ERCC6: variants seen among roughly 807,000 people sequenced by gnomAD.
ERCC6 encodes the protein DNA excision repair protein ERCC-6.
ERCC6 carries 116 observed loss-of-function variants against 158.7 expected under a neutral mutation model. The ratio of observed to expected loss-of-function variants is 0.73; its 90% confidence interval spans 0.63 to 0.85. The LOEUF (loss-of-function observed/expected upper bound fraction) is 0.85, where lower values mean the gene tolerates loss of function less well. Among genes scored for constraint, ERCC6 ranks in the 40% least tolerant of loss-of-function variants. ERCC6 has a pLI of 0.00. For missense variants in ERCC6, 1,698 were observed against 1,799.4 expected (o/e 0.94, Z 1.02); for synonymous variants, 678 against 659.3 (o/e 1.03, Z -0.43).
intron 10 of ERCC6, among the ~76,000 whole-genome samples, chr10:49,481,821 C>T (rs144245719): frequency 2.1e-3 from 317 of 152,324 alleles, no homozygotes; most frequent in Middle Eastern, 0.02. Flanking sequence ...ATGCCACCTG[C>T]GTCTCCTGCC....
In ERCC6 at chr10:49,507,095, GGCCAAAGGTATGGTGTGTT is replaced by G. The variant is rs1851456935; in HGVS notation, c.1398-1102_1398-1084del. ...AAGGGTAATACTACACATGCTGCCT[GGCCAAAGGTATGGTGTGTT>G]GTCCAGTATCCATTACAAAACCACA... is the stretch of plus-strand genomic sequence containing the variant. On this transcript the variant is annotated intron_variant, in intron 5 of 20. Coordinates refer to ENST00000355832, the MANE Select transcript of ERCC6 (RefSeq NM_000124.4). 2.0e-5 allele frequency among the ~76,000 whole-genome samples: 3 copies of G among 152,290 alleles called. No homozygotes were observed. In the South Asian group the frequency reaches 6.2e-4, roughly 32 times the overall value.
intron 3 of ERCC6, 111 bp from the exon 4 acceptor site, chr10:49,528,636 A>G: frequency 7.5e-7 from 1 of 1,336,950 alleles, no homozygotes; most frequent in Non-Finnish European, 1.0e-6. Context: ...AATAAAAATA[A>G]TATACATTAC....
intron 18 of ERCC6, among the ~76,000 whole-genome samples, chr10:49,464,493 A>G (rs183014839): frequency 1.5e-4 from 23 of 152,364 alleles, no homozygotes; most frequent in Admixed American, 8.5e-4. Flanking sequence ...AGAAATTTGC[A>G]TTACGTAACG....
chr10:49,506,167 G>GC, intron 5 of ERCC6, 155 bp from the exon 6 acceptor site: 1 of 742,954 alleles, frequency 1.3e-6, no homozygotes, highest in Non-Finnish European at 2.2e-6. Context: ...TATTCAAAGA[G>GC]GAAAAACAAT....
intron 2 of ERCC6, among the ~76,000 whole-genome samples, chr10:49,532,239 G>A (rs974951426): frequency 1.3e-5 from 2 of 152,102 alleles, no homozygotes; most frequent in African/African-American, 4.8e-5. Context: ...CTGAATTTAG[G>A]TGCACCTCTC....
At chr10:49,452,161 GTTC>G (rs1297885765), downstream of ERCC6, among the ~76,000 whole-genome samples, 3 of 151,240 alleles carry the variant, frequency 2.0e-5, no homozygotes, top group African/African-American at 7.3e-5. Context: ...GGTTTAGTTT[GTTC>G]TTCTTTCTTC....
chr10:49,515,356 A>T, intron 5 of ERCC6: 1 of 1,612,356 alleles, frequency 6.2e-7, no homozygotes, highest in Non-Finnish European at 8.5e-7. Context: ...TATTCAACGG[A>T]ACACTTCACA....
At chr10:49,437,399 C>G in the ERCC6 span, among the ~76,000 whole-genome samples, 1 of 152,166 alleles carries the variant, frequency 6.6e-6, no homozygotes, top group Non-Finnish European at 1.5e-5. Context: ...ATATTAAGTA[C>G]AGCAAGATCC....
At chr10:49,460,178 C>T (rs1850551978) in intron 20 of ERCC6, 195 bp downstream of exon 20, 1 of 632,684 alleles carries the variant, frequency 1.6e-6, no homozygotes, top group Non-Finnish European at 2.8e-6. Flanking sequence ...GGGTTAAAGA[C>T]TTTGTCTTTA....
chr10:49,465,600 T>C (rs1850661081), intron 18 of ERCC6, among the ~76,000 whole-genome samples: 1 of 152,184 alleles, frequency 6.6e-6, no homozygotes, highest in Non-Finnish European at 1.5e-5. Flanking sequence ...AATTCCCACA[T>C]GTCATGGGAG....
At chr10:49,463,083 G>T in intron 18 of ERCC6, among the ~76,000 whole-genome samples, 1 of 152,150 alleles carries the variant, frequency 6.6e-6, no homozygotes, top group Non-Finnish European at 1.5e-5. Context: ...AAATTCTTGG[G>T]ACCAGAAGTG....
chr10:49,528,457 C>T lies in ERCC6; in HGVS notation c.612G>A (p.Val204=), dbSNP rs2132631443. 21 of 1,614,174 alleles carry T rather than the reference C, an allele frequency of 1.3e-5. No individual in the cohort carries two copies. Among genetic ancestry groups the T allele is most frequent in the Non-Finnish European group, 1.8e-5 (21 of 1,180,020 alleles). The change falls in exon 4 of 21, where the codon GTG becomes GTA. Residue 204 remains valine, a synonymous_variant. Transcript: ENST00000355832. ...HLQAILGGAE[V]KIELDHASLE... ...GACTGGCGTGATCTAGTTCAATTTT[C>T]ACCTCTGCTCCTCCAAGGATGGCCT...
At position 49,528,545 on chromosome 10, in the gene ERCC6, A is replaced by T. The variant is rs759309303; in HGVS notation, c.544-20T>A. ...TTGTTCCTTGAATGGTAAATATAGAAGACAGAAAACAGCAATGAAGTGATT... is the reference window on the plus strand; with the variant it reads ...TTGTTCCTTGAATGGTAAATATAGATGACAGAAAACAGCAATGAAGTGATT... On this transcript the variant is annotated intron_variant, in intron 3 of 20. Transcript: ENST00000355832. 6.2e-7 allele frequency: 1 copy of T among 1,613,774 alleles called. No individual in the cohort carries two copies. Among genetic ancestry groups the T allele is most frequent in the African/African-American group, 1.3e-5 (1 of 74,934 alleles).
downstream of ERCC6, among the ~76,000 whole-genome samples, chr10:49,452,775 C>G (rs10776574): frequency 0.42 from 63,810 of 151,340 alleles, 14,387 homozygotes; most frequent in Non-Finnish European, 0.5. Context: ...ATGTTTACAA[C>G]TGTTATATCT....
chr10:49,445,410 T>C, the ERCC6 span, among the ~76,000 whole-genome samples: 9 of 152,220 alleles, frequency 5.9e-5, no homozygotes, highest in African/African-American at 2.2e-4. Context: ...TTGTAGATGA[T>C]CTTTGGTATA....
rs1850875897 is a variant in ERCC6 at position 49,476,281 on chromosome 10, C to T, written c.2316G>A (p.Gln772=). The T allele has an allele frequency of 3.1e-6, 5 of 1,613,608 alleles. No homozygotes were observed. Among genetic ancestry groups the T allele is most frequent in the East Asian group, 4.5e-5 (2 of 44,888 alleles). The change falls in exon 12 of 21, where the codon CAG becomes CAA. Residue 772 remains glutamine (Q), a synonymous_variant. Coordinates refer to ENST00000355832, the MANE Select transcript of ERCC6 (RefSeq NM_000124.4). The part of the protein sequence containing the change: ...QVLFCRLTDE[Q]HKVYQNFVDS... The stretch of plus-strand genomic sequence containing the variant: ...CAACGAAATTTTGGTAGACTTTATG[C>T]TGCTCATCTGTAAGACGGCAAAATA...
At chr10:49,460,914 T>C (rs1414080198) in intron 19 of ERCC6, among the ~76,000 whole-genome samples, 1 of 150,514 alleles carries the variant, frequency 6.6e-6, no homozygotes, top group Admixed American at 6.6e-5. Context: ...AAAAAGGAAC[T>C]GCTGCATCTC....
chr10:49,530,745 G>T lies in ERCC6; in HGVS notation c.518C>A (p.Ser173Tyr), dbSNP rs184894995. 1.9e-6 allele frequency: 3 copies of T among 1,613,508 alleles called. No homozygotes were observed. The highest frequency in any genetic ancestry group is 1.7e-6 in the Non-Finnish European group (2 of 1,179,844). Residue 173 changes from serine to tyrosine, a missense_variant, in exon 3 of 21, where the codon TCT (serine) becomes TAT (tyrosine). Transcript: ENST00000355832. ...CTTATTATACTTCTGTCGTTTTACA[G>T]AATCTAGTTTCCTGTTGATGTCTCT... ...TSRDINRKLD[S>Y]VKRQKYNKEQ...
chr10:49,489,900 T>C (rs1458250866), intron 8 of ERCC6, among the ~76,000 whole-genome samples: 1 of 152,222 alleles, frequency 6.6e-6, no homozygotes, highest in African/African-American at 2.4e-5. Context: ...TTAAGGTTAG[T>C]TAAAAACATC....
Sources: gnomAD v4.1 joint callset for allele counts (sites outside exome capture counted in the v4.1 genomes callset) on GRCh38, gnomAD v4.1.1 for gene constraint, MANE v1.5 for transcripts, NCBI Gene and HGNC (gene_info 2026-07-23, HGNC 2026-07-21) for gene names.